Variants in KCND3 observed in about 807,000 individuals in gnomAD.
The protein encoded by KCND3 is A-type voltage-gated potassium channel KCND3.
In KCND3, 9 loss-of-function variants were observed where a neutral mutation model predicts 51.1. That is an observed-to-expected ratio of 0.18 (90% CI 0.11 to 0.31). The LOEUF (loss-of-function observed/expected upper bound fraction) is 0.31, where lower values mean the gene tolerates loss of function less well. Ranked by LOEUF, KCND3 falls within the 10% of genes least tolerant of loss-of-function variation. KCND3 has a pLI of 1.00. For missense variants in KCND3, 526 were observed against 903.8 expected (o/e 0.58, Z 5.36); for synonymous variants, 349 against 368.0 (o/e 0.95, Z 0.59).
intron 5 of KCND3, among the ~76,000 whole-genome samples, chr1:111,779,312 C>A (rs1333844092): frequency 1.3e-5 from 2 of 151,976 alleles, no homozygotes; most frequent in Non-Finnish European, 2.9e-5. Flanking sequence ...CCACACCCCC[C>A]TCCCCACCAA....
chr1:111,876,688 T>C (rs1233329426), intron 2 of KCND3, among the ~76,000 whole-genome samples: 2 of 152,166 alleles, frequency 1.3e-5, no homozygotes, highest in African/African-American at 4.8e-5. Context: ...AACATAGGGG[T>C]AGGCAAAGAG....
chr1:111,802,441 G>A (rs1665356532), intron 2 of KCND3, among the ~76,000 whole-genome samples: 1 of 152,224 alleles, frequency 6.6e-6, no homozygotes, highest in Non-Finnish European at 1.5e-5. Context: ...GGAGTCAGAA[G>A]TCCCTGGCCT....
chr1:111,980,348 T>C (rs1274446481), intron 2 of KCND3, among the ~76,000 whole-genome samples: 2 of 152,040 alleles, frequency 1.3e-5, no homozygotes, highest in African/African-American at 4.8e-5. Context: ...CCCTTGCTCT[T>C]CCCCTTGCTA....
chr1:111,781,561 C>T (rs952639961), intron 3 of KCND3, among the ~76,000 whole-genome samples: 39 of 152,072 alleles, frequency 2.6e-4, no homozygotes, highest in Non-Finnish European at 4.4e-4. Flanking sequence ...TCGCTGTCAC[C>T]CAGGCTGGTG....
At chr1:111,866,191 CA>C (rs1488132223) in intron 2 of KCND3, among the ~76,000 whole-genome samples, 1 of 151,278 alleles carries the variant, frequency 6.6e-6, no homozygotes, top group Non-Finnish European at 1.5e-5. Context: ...AGGTTTGTTT[CA>C]TTGATTTTCT....
chr1:111,971,481 TG>T lies in KCND3; in HGVS notation c.1106+10139del, dbSNP rs746031244. 3.3e-4 allele frequency among the ~76,000 whole-genome samples: 51 copies of T among 152,264 alleles called. No homozygotes were observed. The Middle Eastern group carries it at 0.01, about 30-fold the overall frequency. On this transcript the variant is annotated intron_variant, in intron 2 of 7. Transcript: ENST00000302127. ...TCATAGACAGCACCAAAGTTCCTACTGGGGGCAGGTGCCAGAGAAGTAGGGC... is the reference window on the plus strand; with the variant it reads ...TCATAGACAGCACCAAAGTTCCTACTGGGGCAGGTGCCAGAGAAGTAGGGC...
chr1:111,836,723 C>A (rs1308403372), intron 2 of KCND3, among the ~76,000 whole-genome samples: 3 of 151,786 alleles, frequency 2.0e-5, no homozygotes, highest in Non-Finnish European at 4.4e-5. Context: ...TGCAAATAGA[C>A]CCCCAGCGAC....
At chr1:111,979,856 T>C (rs1288727774) in intron 2 of KCND3, among the ~76,000 whole-genome samples, 1 of 152,234 alleles carries the variant, frequency 6.6e-6, no homozygotes, top group African/African-American at 2.4e-5. Flanking sequence ...GCTATCACCA[T>C]GCCTGTTTTC....
chr1:111,953,539 C>T (rs548163178), intron 2 of KCND3, among the ~76,000 whole-genome samples: 14 of 152,304 alleles, frequency 9.2e-5, no homozygotes, highest in East Asian at 7.7e-4. Context: ...GTTTGGACTA[C>T]GCCTGGGAAA....
At chr1:111,830,508 T>C (rs1227583413) in intron 2 of KCND3, among the ~76,000 whole-genome samples, 1 of 152,174 alleles carries the variant, frequency 6.6e-6, no homozygotes, top group Non-Finnish European at 1.5e-5. Context: ...AGTGCAAAAT[T>C]TAAGGAGGCC....
chr1:111,886,052 C>T (rs1029692391), intron 2 of KCND3, among the ~76,000 whole-genome samples: 1 of 152,198 alleles, frequency 6.6e-6, no homozygotes, highest in African/African-American at 2.4e-5. Context: ...TATAGTGTGG[C>T]TGAAATCAAA....
At chr1:111,930,113 G>A (rs760012374) in intron 2 of KCND3, among the ~76,000 whole-genome samples, 37 of 152,098 alleles carry the variant, frequency 2.4e-4, no homozygotes, top group African/African-American at 3.6e-4. Context: ...GCTGGAATGC[G>A]GGACAAAGCG....
chr1:111,910,179 CTTGG>C (rs1373082183), intron 2 of KCND3: 1 of 152,222 alleles, frequency 6.6e-6, no homozygotes, highest in Non-Finnish European at 1.5e-5. Flanking sequence ...AGGTTGACAG[CTTGG>C]CATTCTCTTT....
At chr1:111,830,658 T>C (rs757019919) in intron 2 of KCND3, among the ~76,000 whole-genome samples, 6 of 152,222 alleles carry the variant, frequency 3.9e-5, no homozygotes, top group South Asian at 2.1e-4. Context: ...TATCAACAGA[T>C]TGAATGCAGA....
chr1:111,978,892 G>A (rs566542216), intron 2 of KCND3, among the ~76,000 whole-genome samples: 1 of 152,300 alleles, frequency 6.6e-6, no homozygotes, highest in East Asian at 1.9e-4. Flanking sequence ...ATCAAGCAAC[G>A]AGCCTGGTAA....
Position 111,770,747 on chromosome 1 carries a change from A to T in KCND3, c.*5330T>A, listed in dbSNP as rs578185141. ...GGCACACGACTCAATACTGTAAATG[A>T]TATACATGTTTTAACATATGCACTA... On this transcript the variant is annotated 3_prime_UTR_variant, in exon 8 of 8. Transcript: ENST00000302127. The T allele has an allele frequency of 1.3e-5, 2 of 152,198 alleles. No homozygotes were observed. The highest frequency in any genetic ancestry group is 3.9e-4 in the East Asian group (2 of 5,180). 9.4% of individuals were successfully genotyped at this position (152,198 alleles called of 1,614,324 possible).
At chr1:111,851,212 T>C (rs1198825511) in intron 2 of KCND3, among the ~76,000 whole-genome samples, 1 of 152,256 alleles carries the variant, frequency 6.6e-6, no homozygotes, top group Non-Finnish European at 1.5e-5. Flanking sequence ...AAGGCTCTTC[T>C]TGTGATGGAC....
chr1:111,795,628 G>A (rs545742228), intron 2 of KCND3, among the ~76,000 whole-genome samples: 1 of 152,228 alleles, frequency 6.6e-6, no homozygotes, highest in Admixed American at 6.5e-5. Context: ...ATGAGCTGAA[G>A]ACCTGGCTAA....
At chr1:111,896,145 C>T (rs1670101282) in intron 2 of KCND3, among the ~76,000 whole-genome samples, 1 of 152,214 alleles carries the variant, frequency 6.6e-6, no homozygotes, top group East Asian at 1.9e-4. Flanking sequence ...GAAGCAGAGG[C>T]TCGGAAGCGG....
Sources: allele counts gnomAD v4.1 joint callset (sites outside exome capture counted in the v4.1 genomes callset), GRCh38; gene constraint gnomAD v4.1.1; transcripts MANE v1.5; gene names NCBI Gene and HGNC (gene_info 2026-07-23, HGNC 2026-07-21).